Variants in HIVEP2 observed in about 807,000 individuals in gnomAD.
The protein encoded by HIVEP2 is HIVEP zinc finger 2, also known as transcription factor HIVEP2.
HIVEP2 carries 14 observed loss-of-function variants against 180.7 expected under a neutral mutation model. That is an observed-to-expected ratio of 0.08 (90% confidence interval 0.05 to 0.12). The LOEUF (loss-of-function observed/expected upper bound fraction) is 0.12, where lower values mean the gene tolerates loss of function less well. Among genes scored for constraint, HIVEP2 ranks in the 10% least tolerant of loss-of-function variants. HIVEP2 has a pLI of 1.00. For synonymous variants in HIVEP2, 1,184 were observed against 1,136.4 expected (o/e 1.04, Z -0.84); for missense variants, 2,579 against 3,008.5 (o/e 0.86, Z 3.34).
intron 2 of HIVEP2, among the ~76,000 whole-genome samples, chr6:142,816,854 GT>G (rs1386847204): frequency 6.6e-6 from 1 of 151,736 alleles, no homozygotes; most frequent in Non-Finnish European, 1.5e-5. Flanking sequence ...CTATAAAAAT[GT>G]TTGTAATAGC....
intron 1 of HIVEP2, among the ~76,000 whole-genome samples, chr6:142,867,202 T>C (rs1419782329): frequency 6.6e-6 from 1 of 152,214 alleles, no homozygotes; most frequent in Non-Finnish European, 1.5e-5. Context: ...CTATTAGGTA[T>C]TTCATAGTCT....
intron 1 of HIVEP2, among the ~76,000 whole-genome samples, chr6:142,893,055 T>A (rs942364287): frequency 6.6e-5 from 10 of 152,206 alleles, no homozygotes; most frequent in African/African-American, 2.4e-4. Context: ...CAATAAATCA[T>A]TCTCATGAAA....
intron 6 of HIVEP2, among the ~76,000 whole-genome samples, chr6:142,766,889 A>G (rs1562501519): frequency 6.6e-6 from 1 of 152,178 alleles, no homozygotes; most frequent in Non-Finnish European, 1.5e-5. Context: ...TTTTTTAGCT[A>G]TCACTTTGCA....
chr6:142,913,976 C>A (rs1294054567), intron 1 of HIVEP2, among the ~76,000 whole-genome samples: 1 of 152,046 alleles, frequency 6.6e-6, no homozygotes, highest in Non-Finnish European at 1.5e-5. Flanking sequence ...CAGGTTAGAG[C>A]CCTGAAATAT....
rs1007635493 is a variant in HIVEP2, at chr6:142,774,703, A to G, written c.36T>C (p.Ala12=). The G allele has an allele frequency of 5.0e-6, 8 of 1,614,170 alleles. No homozygotes were observed. The highest frequency in any genetic ancestry group is 6.8e-6 in the Non-Finnish European group (8 of 1,180,022). Residue 12 remains alanine, a synonymous_variant, in exon 5 of 10, where the codon GCT becomes GCC. Transcript: ENST00000367603. This position sits in a 1 kb window ranked among gnomAD's most constrained non-coding sequence, Gnocchi z 5.1. ...DTGDTALGQK[A]TSRSGETDKA... ...TATCAGTTTCTCCAGACCTTGAGGT[A>G]GCTTTTTGTCCTAGAGCTGTGTCCC...
intron 1 of HIVEP2, among the ~76,000 whole-genome samples, chr6:142,850,739 T>C (rs1775648808): frequency 6.6e-6 from 1 of 152,222 alleles, no homozygotes; most frequent in Non-Finnish European, 1.5e-5. Flanking sequence ...AAGTTATCAG[T>C]AAGTCCACCT....
intron 9 of HIVEP2, among the ~76,000 whole-genome samples, 162 bp from the exon 10 acceptor site, chr6:142,754,093 G>T (rs1271319068): frequency 6.6e-6 from 1 of 152,148 alleles, no homozygotes; most frequent in African/African-American, 2.4e-5. Flanking sequence ...AGACAAAAGA[G>T]ATTTCTCTGT....
intron 7 of HIVEP2, among the ~76,000 whole-genome samples, chr6:142,762,097 T>G (rs143221556): frequency 4.6e-4 from 70 of 152,272 alleles, no homozygotes; most frequent in African/African-American, 1.6e-3. Context: ...GGGCCAACCT[T>G]GTCAGTGCTC....
intron 2 of HIVEP2, among the ~76,000 whole-genome samples, chr6:142,817,808 CAGG>C (rs1441264277): frequency 6.6e-6 from 1 of 152,064 alleles, no homozygotes; most frequent in East Asian, 1.9e-4. Flanking sequence ...AGCCTGAGGT[CAGG>C]AGTTCAAGAC....
At position 142,770,640 on chromosome 6, in the gene HIVEP2, A is replaced by T. The variant is rs1174974536; in HGVS notation, c.4099T>A (p.Cys1367Ser). The stretch of plus-strand genomic sequence containing the variant: ...TGGGTCATATTCTCATCGACTTTGC[A>T]TATGACAATGGCAGGGCTATTCTGC... The part of the protein sequence containing the change: ...LGQNSPAIVI[C>S]KVDENMTQRT... Residue 1367 changes from cysteine (C) to serine (S), a missense_variant, in exon 5 of 10, where the codon TGC becomes AGC. Transcript: ENST00000367603. This position sits in a 1 kb window ranked among gnomAD's most constrained non-coding sequence, Gnocchi z 4.7. The T allele has an allele frequency of 2.5e-6, 4 of 1,614,242 alleles. No individual in the cohort carries two copies. The highest frequency in any genetic ancestry group is 3.4e-6 in the Non-Finnish European group (4 of 1,180,052).
At chr6:142,913,522 T>C (rs933688585) in intron 1 of HIVEP2, among the ~76,000 whole-genome samples, 1 of 152,226 alleles carries the variant, frequency 6.6e-6, no homozygotes, top group Non-Finnish European at 1.5e-5. Context: ...AAGTATCTAA[T>C]TGCCATACTT....
In HIVEP2 at chr6:142,788,852, T is replaced by C. The variant is rs139863938; in HGVS notation, c.-527-5237A>G. On this transcript the variant is annotated intron_variant, in intron 2 of 9. Coordinates refer to ENST00000367603, the MANE Select transcript of HIVEP2 (RefSeq NM_006734.4). The stretch of plus-strand genomic sequence containing the variant: ...TTACAAAGGAGATTACAAGAGGGAA[T>C]GGTCACTCCTTTCTGGAAAGTTAGA... 4.7e-3 allele frequency among the ~76,000 whole-genome samples: 711 copies of C among 152,324 alleles called. 2 individuals carry two copies. The highest frequency in any genetic ancestry group is 0.022 in the South Asian group (105 of 4,820).
intron 1 of HIVEP2, among the ~76,000 whole-genome samples, chr6:142,942,549 A>G (rs1026398458): frequency 6.6e-6 from 1 of 152,196 alleles, no homozygotes; most frequent in Non-Finnish European, 1.5e-5. Flanking sequence ...TAATCTTTCA[A>G]TGTAATCAAA....
chr6:142,804,639 G>A (rs1280245663), intron 2 of HIVEP2, among the ~76,000 whole-genome samples: 1 of 152,112 alleles, frequency 6.6e-6, no homozygotes, highest in East Asian at 1.9e-4. Context: ...ACTAACCTTT[G>A]CATAAGGTAT....
chr6:142,866,889 A>T (rs560901118), intron 1 of HIVEP2, among the ~76,000 whole-genome samples: 4 of 152,108 alleles, frequency 2.6e-5, no homozygotes, highest in Non-Finnish European at 2.9e-5. Flanking sequence ...CTATCTTTAT[A>T]AAAAGCGAAA....
chr6:142,755,111 C>T (rs197472), intron 9 of HIVEP2, among the ~76,000 whole-genome samples: 114,930 of 152,148 alleles, frequency 0.76, 44,099 homozygotes, highest in African/African-American at 0.9. Context: ...GTATGCTCTG[C>T]AGCATTAAAG....
chr6:142,859,110 A>G (rs1562267680), intron 1 of HIVEP2, among the ~76,000 whole-genome samples: 1 of 152,196 alleles, frequency 6.6e-6, no homozygotes, highest in Non-Finnish European at 1.5e-5. Context: ...CTATGTAGAT[A>G]CTGTAGAAAC....
chr6:142,886,205 A>G (rs528099005), intron 1 of HIVEP2, among the ~76,000 whole-genome samples: 76 of 152,356 alleles, frequency 5.0e-4, no homozygotes, highest in African/African-American at 1.8e-3. Flanking sequence ...TTATTGTTTG[A>G]CAAATGAGTG....
At chr6:142,767,546 T>C (rs1775406664) in intron 6 of HIVEP2, among the ~76,000 whole-genome samples, 2 of 152,212 alleles carry the variant, frequency 1.3e-5, no homozygotes, top group Admixed American at 1.3e-4. Flanking sequence ...ATGTAAATAA[T>C]AGATTTGTTG....
Sources: gnomAD v4.1 joint callset for allele counts (sites outside exome capture counted in the v4.1 genomes callset) on GRCh38, gnomAD v4.1.1 for gene constraint, Gnocchi (gnomAD v3.1) non-coding constraint, MANE v1.5 for transcripts, NCBI Gene and HGNC (gene_info 2026-07-23, HGNC 2026-07-21) for gene names.